Variants in CDH12 observed in about 807,000 individuals in gnomAD.
CDH12 encodes the protein cadherin 12, also known as cadherin-12.
CDH12 carries 41 observed loss-of-function variants against 74.1 expected under a neutral mutation model. The ratio of observed to expected loss-of-function variants is 0.55; its 90% CI spans 0.43 to 0.72. CDH12 has a LOEUF of 0.72. CDH12 is among the 30% of genes least tolerant of loss of function. The pLI, the probability that CDH12 is intolerant of heterozygous loss-of-function variation, is 0.00. For missense variants in CDH12, 945 were observed against 977.2 expected, an observed-to-expected ratio of 0.97 and a Z score of 0.44; for synonymous variants, 399 against 355.0, an observed-to-expected ratio of 1.12 and a Z score of -1.39.
intron 4 of CDH12, among the ~76,000 whole-genome samples, chr5:22,164,920 A>T (rs1250530601): frequency 8.4e-5 from 12 of 143,214 alleles, no homozygotes; most frequent in Non-Finnish European, 1.7e-4. Context: ...GAGGTCTGTC[A>T]TTAAACATGA....
intron 1 of CDH12, among the ~76,000 whole-genome samples, chr5:22,729,344 T>A (rs1190871095): frequency 1.3e-5 from 2 of 151,888 alleles, no homozygotes; most frequent in East Asian, 1.9e-4. Flanking sequence ...GATGAATCCC[T>A]CTTCATGCTT....
At chr5:22,667,375 C>T (rs1189965874) in intron 1 of CDH12, among the ~76,000 whole-genome samples, 1 of 152,118 alleles carries the variant, frequency 6.6e-6, no homozygotes, top group Non-Finnish European at 1.5e-5. Flanking sequence ...GTGTCCAGCT[C>T]TCCACAGACA....
At chr5:22,060,517 A>G (rs530421686) in intron 5 of CDH12, among the ~76,000 whole-genome samples, 1 of 152,172 alleles carries the variant, frequency 6.6e-6, no homozygotes, top group South Asian at 2.1e-4. Context: ...ACAATGAGAG[A>G]AAGGCAAGGA....
chr5:22,452,857 A>G (rs1253539541), intron 2 of CDH12, among the ~76,000 whole-genome samples: 1 of 145,762 alleles, frequency 6.9e-6, no homozygotes, highest in East Asian at 2.0e-4. Flanking sequence ...GAATATATAT[A>G]AGAAACTCAA....
chr5:22,245,097 G>A (rs1168336001), intron 3 of CDH12, among the ~76,000 whole-genome samples: 1 of 152,136 alleles, frequency 6.6e-6, no homozygotes, highest in East Asian at 1.9e-4. Context: ...CCCAGCAGGA[G>A]CAATTTCTAT....
At chr5:22,239,347 G>C (rs981410160) in intron 3 of CDH12, among the ~76,000 whole-genome samples, 3 of 152,034 alleles carry the variant, frequency 2.0e-5, no homozygotes, top group Non-Finnish European at 4.4e-5. Context: ...AAATTAATTT[G>C]AGAGATATGT....
At chr5:21,889,141 T>C (rs1397649166) in intron 6 of CDH12, among the ~76,000 whole-genome samples, 1 of 152,164 alleles carries the variant, frequency 6.6e-6, no homozygotes, top group Non-Finnish European at 1.5e-5. Flanking sequence ...TAAGTAATGT[T>C]TTTATATTTT....
intron 1 of CDH12, among the ~76,000 whole-genome samples, chr5:22,728,681 G>A (rs1580933850): frequency 1.3e-5 from 2 of 151,988 alleles, no homozygotes; most frequent in East Asian, 3.9e-4. Context: ...CTAAGATGCG[G>A]CAAATCCAGT....
At chr5:22,473,562 T>C (rs967545265) in intron 2 of CDH12, among the ~76,000 whole-genome samples, 2 of 152,126 alleles carry the variant, frequency 1.3e-5, no homozygotes, top group Admixed American at 6.6e-5. Context: ...ATAGAAGTAA[T>C]GTTATTAAAA....
chr5:22,540,415 G>T (rs904234848), intron 1 of CDH12, among the ~76,000 whole-genome samples: 2 of 152,022 alleles, frequency 1.3e-5, no homozygotes, highest in African/African-American at 4.8e-5. Context: ...TAGAATAGGA[G>T]TCAGAAAAAG....
At chr5:21,924,819 A>T (rs1754517515) in intron 6 of CDH12, among the ~76,000 whole-genome samples, 1 of 152,158 alleles carries the variant, frequency 6.6e-6, no homozygotes, top group African/African-American at 2.4e-5. Context: ...AAATGTGGCC[A>T]CTTTTTATGT....
At chr5:22,171,358 A>T (rs371893900) in intron 4 of CDH12, among the ~76,000 whole-genome samples, 1 of 151,926 alleles carries the variant, frequency 6.6e-6, no homozygotes, top group Admixed American at 6.6e-5. Context: ...AAGCATTGTT[A>T]TTATAAGATG....
At chr5:22,534,375 C>G (rs1737731774) in intron 1 of CDH12, among the ~76,000 whole-genome samples, 1 of 152,126 alleles carries the variant, frequency 6.6e-6, no homozygotes, top group African/African-American at 2.4e-5. Flanking sequence ...CCTGAGTCCC[C>G]AAAGTCCACT....
At chr5:22,307,279 T>G (rs1738155416) in intron 3 of CDH12, among the ~76,000 whole-genome samples, 1 of 152,184 alleles carries the variant, frequency 6.6e-6, no homozygotes, top group Non-Finnish European at 1.5e-5. Context: ...AAATCTTCAG[T>G]CAATGTCAGC....
chr5:22,819,167 G>A (rs1427910563), intron 1 of CDH12, among the ~76,000 whole-genome samples: 2 of 152,146 alleles, frequency 1.3e-5, no homozygotes, highest in Non-Finnish European at 2.9e-5. Context: ...TCTCCCTGCT[G>A]CTATTGCTGA....
intron 5 of CDH12, among the ~76,000 whole-genome samples, chr5:22,007,471 T>G (rs1737036890): frequency 6.6e-6 from 1 of 152,164 alleles, no homozygotes; most frequent in African/African-American, 2.4e-5. Flanking sequence ...GTTAAAAAAA[T>G]AGTAAAATGA....
chr5:22,670,602 A>G (rs1740853456), intron 1 of CDH12, among the ~76,000 whole-genome samples: 1 of 152,138 alleles, frequency 6.6e-6, no homozygotes, highest in Non-Finnish European at 1.5e-5. Flanking sequence ...TTAAACTCTT[A>G]TATTTTCAGA....
chr5:22,068,633 G>A (rs1171701646), intron 5 of CDH12, among the ~76,000 whole-genome samples: 1 of 152,190 alleles, frequency 6.6e-6, no homozygotes, highest in African/African-American at 2.4e-5. Context: ...CTGGGGAAGA[G>A]ATAAGGTATA....
At chr5:22,615,325 T>C (rs915333742) in intron 1 of CDH12, among the ~76,000 whole-genome samples, 14 of 152,120 alleles carry the variant, frequency 9.2e-5, no homozygotes, top group African/African-American at 3.1e-4. Flanking sequence ...ACTGAAATAA[T>C]ATATTTTTTA....
Sources: allele counts gnomAD v4.1 joint callset (sites outside exome capture counted in the v4.1 genomes callset), GRCh38; gene constraint gnomAD v4.1.1; transcripts MANE v1.5; gene names NCBI Gene and HGNC (gene_info 2026-07-23, HGNC 2026-07-21).